NTRK3: variants seen among roughly 807,000 people sequenced by gnomAD.
The protein encoded by NTRK3 is neurotrophic receptor tyrosine kinase 3, also known as NT-3 growth factor receptor.
In NTRK3, 24 loss-of-function variants were observed where a neutral mutation model predicts 91.7. That is an observed-to-expected ratio of 0.26 (90% CI 0.19 to 0.37). NTRK3 has a LOEUF of 0.37. NTRK3 is among the 10% of genes least tolerant of loss of function. NTRK3 has a pLI of 1.00. For synonymous variants in NTRK3, 483 were observed against 404.0 expected (o/e 1.20, Z -2.34); for missense variants, 880 against 1,068.9 (o/e 0.82, Z 2.46).
chr15:87,878,185 T>A (rs867769281), intron 18 of NTRK3, among the ~76,000 whole-genome samples: 21 of 152,220 alleles, frequency 1.4e-4, no homozygotes, highest in African/African-American at 5.1e-4. Context: ...AGATTGGTCA[T>A]AATGATAAAA....
chr15:87,980,025 C>T (rs1042352618), intron 14 of NTRK3, among the ~76,000 whole-genome samples: 2 of 152,146 alleles, frequency 1.3e-5, no homozygotes, highest in Non-Finnish European at 2.9e-5. Flanking sequence ...TCTCATTGAC[C>T]TTTTCGCCTC....
In NTRK3 at chr15:88,148,952, T is replaced by C. The variant is rs575478768; in HGVS notation, c.396-1549A>G. Among the ~76,000 whole-genome samples the C allele has an allele frequency of 9.9e-5, 15 of 152,080 alleles. No individual in the cohort carries two copies. In the South Asian group the frequency reaches 3.1e-3, roughly 32 times the overall value. On this transcript the variant is annotated intron_variant, in intron 5 of 18. Transcript: ENST00000394480. ...CCAGGTAAATGGTGACATCATTGAG[T>C]AGAACGAGAAAGCCTGCCAAAGGAT... is the stretch of plus-strand genomic sequence containing the variant.
intron 13 of NTRK3, among the ~76,000 whole-genome samples, chr15:88,084,336 G>T (rs910858954): frequency 6.6e-6 from 1 of 152,122 alleles, no homozygotes; most frequent in Non-Finnish European, 1.5e-5. Flanking sequence ...AAAGAAGCAG[G>T]GTTAGGCTAG....
chr15:88,011,614 A>T (rs1370268434), intron 14 of NTRK3, among the ~76,000 whole-genome samples: 1 of 152,172 alleles, frequency 6.6e-6, no homozygotes, highest in Non-Finnish European at 1.5e-5. Context: ...CCCTGAAAAG[A>T]AGCCGCAGCT....
At chr15:88,058,508 G>C (rs1381792177) in intron 13 of NTRK3, among the ~76,000 whole-genome samples, 1 of 152,104 alleles carries the variant, frequency 6.6e-6, no homozygotes, top group Non-Finnish European at 1.5e-5. Context: ...CTGTCTGTGG[G>C]TCTCTCTCCT....
chr15:87,867,300 T>C (rs559689101), exon 19 of NTRK3: 3 of 226,486 alleles, frequency 1.3e-5, no homozygotes, highest in African/African-American at 2.2e-5. Context: ...GATGAGCCAA[T>C]AGGGCTTTCC....
Position 87,992,784 on chromosome 15 carries a change from G to C in NTRK3, c.1585+40073C>G, listed in dbSNP as rs557769600. Among the ~76,000 whole-genome samples, 3 of 152,314 alleles carry C rather than the reference G, an allele frequency of 2.0e-5. No homozygotes were observed. The East Asian group carries it at 5.8e-4, about 29-fold the overall frequency. On this transcript the variant is annotated intron_variant, in intron 14 of 18. Coordinates refer to ENST00000394480, the Ensembl canonical transcript of NTRK3. ...GAGGCAGAGCCAGGACTTGAATCCAGGTTTTGCCATCTCAGCTCCCATGTT... is the reference window on the plus strand; with the variant it reads ...GAGGCAGAGCCAGGACTTGAATCCACGTTTTGCCATCTCAGCTCCCATGTT...
At chr15:88,209,975 C>T (rs1432879302) in intron 3 of NTRK3, 1 of 152,328 alleles carries the variant, frequency 6.6e-6, no homozygotes, top group Admixed American at 6.5e-5. Flanking sequence ...CCTTCAAACT[C>T]TATCTTGCCA....
At chr15:88,107,617 G>T (rs2050858089) in intron 13 of NTRK3, among the ~76,000 whole-genome samples, 1 of 152,004 alleles carries the variant, frequency 6.6e-6, no homozygotes, top group African/African-American at 2.4e-5. Context: ...GCCCTCCCTG[G>T]CCCAATTGTG....
chr15:87,877,168 G>T lies in NTRK3; in HGVS notation c.2293-48C>A, dbSNP rs748697418. 5 of 1,599,702 alleles carry T rather than the reference G, an allele frequency of 3.1e-6. No individual in the cohort carries two copies. The Admixed American group carries it at 6.8e-5, about 22-fold the overall frequency. ...GAAGTTACACCCAAAGCTCAGCCTT[G>T]GTCCTGTGGCTCAGACTCGGCAAAA... On this transcript the variant is annotated intron_variant, in intron 18 of 18. Transcript: ENST00000394480.
chr15:87,942,451 T>C (rs565338301), intron 14 of NTRK3, among the ~76,000 whole-genome samples: 1 of 152,180 alleles, frequency 6.6e-6, no homozygotes, highest in South Asian at 2.1e-4. Flanking sequence ...TGCGAGAAAA[T>C]AGGAAGTCAG....
intron 3 of NTRK3, among the ~76,000 whole-genome samples, chr15:88,232,075 C>G (rs2051241417): frequency 6.6e-6 from 1 of 152,124 alleles, no homozygotes; most frequent in Admixed American, 6.5e-5. Flanking sequence ...CGCTCATGGC[C>G]CCTCCATGCT....
chr15:88,107,230 C>A (rs935485890), intron 13 of NTRK3, among the ~76,000 whole-genome samples: 2 of 152,006 alleles, frequency 1.3e-5, no homozygotes, highest in Non-Finnish European at 2.9e-5. Context: ...ATCGTTTGAG[C>A]TCAGGAGTTC....
intron 3 of NTRK3, among the ~76,000 whole-genome samples, chr15:88,205,134 C>T (rs182466326): frequency 1.6e-4 from 24 of 152,204 alleles, no homozygotes; most frequent in East Asian, 5.8e-4. Context: ...TGATTTTCTC[C>T]CCCTGCTGCT....
intron 13 of NTRK3, among the ~76,000 whole-genome samples, chr15:88,074,121 C>T (rs2047333891): frequency 6.6e-6 from 1 of 152,232 alleles, no homozygotes; most frequent in Non-Finnish European, 1.5e-5. Context: ...GCTTAATGTA[C>T]ACCATTGGGT....
intron 3 of NTRK3, among the ~76,000 whole-genome samples, chr15:88,254,403 T>G (rs911919499): frequency 6.6e-6 from 1 of 152,108 alleles, no homozygotes; most frequent in Admixed American, 6.5e-5. Context: ...CTGTTTATCT[T>G]GTCATCTCTG....
At chr15:88,033,606 C>T (rs905134956) in intron 13 of NTRK3, among the ~76,000 whole-genome samples, 12 of 151,948 alleles carry the variant, frequency 7.9e-5, no homozygotes, top group South Asian at 2.1e-4. Flanking sequence ...TCATCATGCC[C>T]GGCCCACATT....
At chr15:88,079,660 C>G (rs1230105545) in intron 13 of NTRK3, among the ~76,000 whole-genome samples, 1 of 152,150 alleles carries the variant, frequency 6.6e-6, no homozygotes, top group East Asian at 1.9e-4. Flanking sequence ...GTGGACATGC[C>G]ATTTGACTCC....
chr15:88,212,454 G>A (rs963098926), intron 3 of NTRK3, among the ~76,000 whole-genome samples: 8 of 152,200 alleles, frequency 5.3e-5, no homozygotes, highest in African/African-American at 1.9e-4. Context: ...CCATAGTGCA[G>A]ACATTTTATG....
Sources: allele counts gnomAD v4.1 joint callset (sites outside exome capture counted in the v4.1 genomes callset), GRCh38; gene constraint gnomAD v4.1.1; transcripts MANE v1.5; gene names NCBI Gene and HGNC (gene_info 2026-07-23, HGNC 2026-07-21).